NKAIN3: variants seen among roughly 807,000 people sequenced by gnomAD.
The protein encoded by NKAIN3 is sodium/potassium transporting ATPase interacting 3.
NKAIN3 carries 25 observed loss-of-function variants against 30.2 expected under a neutral mutation model. That is an observed-to-expected ratio of 0.83 (90% CI 0.60 to 1.16). NKAIN3 has a LOEUF of 1.16. NKAIN3 is among the 50% of genes most tolerant of loss of function. The pLI is 0.00. For synonymous variants in NKAIN3, 91 were observed against 89.6 expected, an observed-to-expected ratio of 1.02 and a Z score of -0.09; for missense variants, 225 against 254.1, an observed-to-expected ratio of 0.89 and a Z score of 0.78.
At chr8:62,862,661 G>A (rs1416347785) in intron 4 of NKAIN3, among the ~76,000 whole-genome samples, 2 of 152,082 alleles carry the variant, frequency 1.3e-5, no homozygotes, top group Non-Finnish European at 2.9e-5. Flanking sequence ...ACTGAAAATT[G>A]CTTTGGAATT....
intron 3 of NKAIN3, among the ~76,000 whole-genome samples, chr8:62,639,162 G>T (rs28407937): frequency 6.6e-6 from 1 of 152,110 alleles, no homozygotes; most frequent in Non-Finnish European, 1.5e-5. Context: ...AGAATAGAAG[G>T]GGACCAATGT....
intron 4 of NKAIN3, among the ~76,000 whole-genome samples, chr8:62,849,626 C>G (rs1819815632): frequency 8.1e-6 from 1 of 122,982 alleles, no homozygotes. Flanking sequence ...CACAACAGGT[C>G]CAAGTGTGTG....
intron 5 of NKAIN3, among the ~76,000 whole-genome samples, chr8:62,940,473 T>G (rs1332393401): frequency 1.3e-5 from 2 of 152,120 alleles, no homozygotes; most frequent in Admixed American, 6.5e-5. Flanking sequence ...GACATTCTAT[T>G]CATAAGCACA....
chr8:62,374,898 C>T (rs1817028070), intron 1 of NKAIN3, among the ~76,000 whole-genome samples: 1 of 152,140 alleles, frequency 6.6e-6, no homozygotes, highest in African/African-American at 2.4e-5. Flanking sequence ...CAACTAAATC[C>T]TGTATGCACA....
At position 62,456,382 on chromosome 8, in the gene NKAIN3, G is replaced by A. The variant is rs1805818304; in HGVS notation, c.55-123157G>A. On this transcript the variant is annotated intron_variant, in intron 1 of 6. Coordinates refer to ENST00000623646, the MANE Select transcript of NKAIN3 (RefSeq NM_001304533.3). Reference sequence around the variant, plus strand: ...AAAAATACAAAAATTAGCCAGGCGTGGTGGCGGGCGCCTGTAGTCCCAGCT... The same window carrying A: ...AAAAATACAAAAATTAGCCAGGCGTAGTGGCGGGCGCCTGTAGTCCCAGCT... Among the ~76,000 whole-genome samples, 3 of 152,116 alleles carry A rather than the reference G, an allele frequency of 2.0e-5. No homozygotes were observed. In the South Asian group the frequency reaches 6.2e-4, roughly 32 times the overall value.
intron 1 of NKAIN3, among the ~76,000 whole-genome samples, chr8:62,546,019 T>C (rs1016490338): frequency 6.6e-6 from 1 of 152,204 alleles, no homozygotes; most frequent in Non-Finnish European, 1.5e-5. Flanking sequence ...TTTATTTTAA[T>C]ATACATTTCT....
intron 1 of NKAIN3, among the ~76,000 whole-genome samples, chr8:62,298,885 A>T (rs546470360): frequency 9.3e-5 from 14 of 149,826 alleles, no homozygotes; most frequent in African/African-American, 3.4e-4. Context: ...ATATTAATAT[A>T]TTAATAGCCA....
chr8:62,762,890 A>C (rs1215383627), intron 4 of NKAIN3, among the ~76,000 whole-genome samples: 1 of 152,114 alleles, frequency 6.6e-6, no homozygotes, highest in Non-Finnish European at 1.5e-5. Context: ...AGACTAAAAA[A>C]AAAATTCAAT....
intron 4 of NKAIN3, among the ~76,000 whole-genome samples, chr8:62,839,619 T>C (rs1300683819): frequency 6.6e-6 from 1 of 152,110 alleles, no homozygotes; most frequent in Non-Finnish European, 1.5e-5. Context: ...GGTCTCCCTC[T>C]GTCACCCAGG....
intron 1 of NKAIN3, among the ~76,000 whole-genome samples, chr8:62,549,185 A>T (rs1809112060): frequency 6.6e-6 from 1 of 152,194 alleles, no homozygotes; most frequent in African/African-American, 2.4e-5. Flanking sequence ...CTTAAGAAAG[A>T]GCTTTTGCCT....
intron 4 of NKAIN3, among the ~76,000 whole-genome samples, chr8:62,788,776 A>C (rs1401136155): frequency 6.6e-6 from 1 of 151,668 alleles, no homozygotes; most frequent in Non-Finnish European, 1.5e-5. Context: ...TCCCAGCACC[A>C]TTTATTAAAT....
At chr8:62,657,096 T>C (rs2130348836) in intron 3 of NKAIN3, among the ~76,000 whole-genome samples, 1 of 152,314 alleles carries the variant, frequency 6.6e-6, no homozygotes, top group African/African-American at 2.4e-5. Context: ...CTAGAAACAG[T>C]ATTTAAACAT....
chr8:62,944,978 T>TAA (rs930499867), intron 5 of NKAIN3, among the ~76,000 whole-genome samples: 7 of 152,186 alleles, frequency 4.6e-5, no homozygotes, highest in Admixed American at 1.3e-4. Context: ...AAATTTGCTA[T>TAA]AACAATGTCA....
Position 62,747,120 on chromosome 8 carries a change from A to G in NKAIN3, c.462A>G (p.Ile154Met), listed in dbSNP as rs772520168. The change falls in exon 4 of 7, where the codon ATA (isoleucine) becomes ATG (methionine). Residue 154 changes from isoleucine to methionine, a missense_variant. Transcript: ENST00000623646. ...AGGTCATCCACAGTGCTGTCCAAAT[A>G]CTACTCTCTGTAAGTGTCACTTTTG... Reference protein sequence around the residue: ...YLEVIHSAVQILLSLVGFVYA... With the variant: ...YLEVIHSAVQMLLSLVGFVYA... The G allele has an allele frequency of 2.5e-6, 4 of 1,599,206 alleles. No individual in the cohort carries two copies. The highest frequency in any genetic ancestry group is 3.4e-6 in the Non-Finnish European group (4 of 1,167,082).
intron 1 of NKAIN3, among the ~76,000 whole-genome samples, chr8:62,324,550 T>C (rs1362678981): frequency 6.6e-6 from 1 of 152,146 alleles, no homozygotes; most frequent in Non-Finnish European, 1.5e-5. Context: ...ATGGGTTGTT[T>C]TATCAATTCT....
intron 1 of NKAIN3, among the ~76,000 whole-genome samples, chr8:62,424,275 C>T (rs961622702): frequency 6.6e-6 from 1 of 151,870 alleles, no homozygotes; most frequent in Non-Finnish European, 1.5e-5. Context: ...TTGGATATGA[C>T]ACCAAAATCA....
At chr8:62,416,918 G>A (rs1280050674) in intron 1 of NKAIN3, among the ~76,000 whole-genome samples, 6 of 151,846 alleles carry the variant, frequency 4.0e-5, no homozygotes, top group African/African-American at 1.5e-4. Flanking sequence ...CTTGAACCTG[G>A]GAGGCGGAGG....
At chr8:62,393,309 T>G (rs1817628577) in intron 1 of NKAIN3, among the ~76,000 whole-genome samples, 4 of 152,040 alleles carry the variant, frequency 2.6e-5, no homozygotes. Flanking sequence ...CAAAGTTTTT[T>G]TTCTATATTT....
intron 1 of NKAIN3, among the ~76,000 whole-genome samples, chr8:62,354,630 A>G (rs6981633): frequency 0.04 from 6,103 of 152,142 alleles, 439 homozygotes; most frequent in African/African-American, 0.14. Flanking sequence ...TTTTAGTAGC[A>G]AAGGGTTTCA....
Sources: allele counts gnomAD v4.1 joint callset (sites outside exome capture counted in the v4.1 genomes callset), GRCh38; gene constraint gnomAD v4.1.1; transcripts MANE v1.5; gene names NCBI Gene and HGNC (gene_info 2026-07-23, HGNC 2026-07-21).